The following PRELID2 variants were observed in gnomAD, a reference collection of about 807,000 sequenced individuals.
PRELID2 encodes the protein PRELI domain-containing protein 2.
In PRELID2, 25 loss-of-function variants were observed where a neutral mutation model predicts 28.4. That is an observed-to-expected ratio of 0.88 (90% CI 0.64 to 1.23). The LOEUF (loss-of-function observed/expected upper bound fraction) is 1.23, where lower values mean the gene tolerates loss of function less well. Ranked by LOEUF, PRELID2 falls within the 50% of genes most tolerant of loss-of-function variation. The pLI is 0.00. For synonymous variants in PRELID2, 76 were observed against 71.6 expected, an observed-to-expected ratio of 1.06 and a Z score of -0.31; for missense variants, 201 against 214.4, an observed-to-expected ratio of 0.94 and a Z score of 0.39.
At chr5:145,662,681 G>A (rs1025626563) in intron 1 of PRELID2, among the ~76,000 whole-genome samples, 2 of 152,038 alleles carry the variant, frequency 1.3e-5, no homozygotes, top group Non-Finnish European at 2.9e-5. Context: ...GTGGCTTTAT[G>A]AGAAAAAGAA....
At chr5:145,288,948 A>G in the PRELID2 span, among the ~76,000 whole-genome samples, 1 of 152,078 alleles carries the variant, frequency 6.6e-6, no homozygotes. Flanking sequence ...ATGGGCAACA[A>G]TTTTTTCAAC....
chr5:145,344,855 T>C, the PRELID2 span, among the ~76,000 whole-genome samples: 5 of 152,246 alleles, frequency 3.3e-5, no homozygotes, highest in South Asian at 1.0e-3. Flanking sequence ...TGCCTGTTTG[T>C]CCTTATTTCA....
At chr5:145,589,845 TC>T (rs753596620) in intron 1 of PRELID2, among the ~76,000 whole-genome samples, 1 of 152,198 alleles carries the variant, frequency 6.6e-6, no homozygotes, top group Admixed American at 6.5e-5. Context: ...AGTTTGTAAA[TC>T]CACTTGTAAT....
At chr5:145,390,536 C>A in the PRELID2 span, among the ~76,000 whole-genome samples, 1 of 152,226 alleles carries the variant, frequency 6.6e-6, no homozygotes, top group Admixed American at 6.5e-5. Context: ...CCCCATGATT[C>A]AATTACCTCC....
intron 1 of PRELID2, among the ~76,000 whole-genome samples, chr5:145,482,688 T>C (rs909412425): frequency 2.0e-5 from 3 of 151,976 alleles, no homozygotes; most frequent in African/African-American, 7.3e-5. Flanking sequence ...ATTATTACAC[T>C]GTAAGCTATT....
intron 1 of PRELID2, among the ~76,000 whole-genome samples, chr5:145,567,585 C>T (rs1752978112): frequency 6.6e-6 from 1 of 152,104 alleles, no homozygotes; most frequent in Non-Finnish European, 1.5e-5. Context: ...ACCATTTTGG[C>T]CAGGCTAGTC....
chr5:145,642,417 C>A (rs1478046751), intron 1 of PRELID2, among the ~76,000 whole-genome samples: 1 of 151,962 alleles, frequency 6.6e-6, no homozygotes, highest in Non-Finnish European at 1.5e-5. Context: ...GGATATTAGC[C>A]CTTTGTCAGA....
At chr5:145,716,412 T>C (rs1445714875) in intron 1 of PRELID2, among the ~76,000 whole-genome samples, 1 of 152,156 alleles carries the variant, frequency 6.6e-6, no homozygotes, top group East Asian at 1.9e-4. Context: ...GACACTTCTA[T>C]ATCAGAGCCA....
At chr5:145,736,088 A>G (rs1030276104) in intron 1 of PRELID2, among the ~76,000 whole-genome samples, 2 of 152,236 alleles carry the variant, frequency 1.3e-5, no homozygotes, top group African/African-American at 4.8e-5. Context: ...ATGACAAATT[A>G]AAGTCTGGGC....
chr5:145,567,466 C>A (rs1752976910), intron 1 of PRELID2, among the ~76,000 whole-genome samples: 1 of 152,146 alleles, frequency 6.6e-6, no homozygotes, highest in Non-Finnish European at 1.5e-5. Context: ...CAAGCTCTGC[C>A]TCCTAGGTTC....
chr5:145,570,362 A>T (rs375676388), intron 1 of PRELID2, among the ~76,000 whole-genome samples: 1 of 152,268 alleles, frequency 6.6e-6, no homozygotes, highest in South Asian at 2.1e-4. Flanking sequence ...CTCCTATGGG[A>T]TATTTTCACA....
chr5:145,748,210 G>A (rs1484331046), intron 1 of PRELID2, among the ~76,000 whole-genome samples: 4 of 152,210 alleles, frequency 2.6e-5, no homozygotes, highest in Non-Finnish European at 5.9e-5. Context: ...AAGAGAGGAA[G>A]TCAAATTGTC....
chr5:145,532,130 G>A lies in PRELID2; in HGVS notation n.71-58815C>T, dbSNP rs188925130. On this transcript the variant is annotated intron_variant and non_coding_transcript_variant, in intron 1 of 2. Coordinates refer to the PRELID2 transcript ENST00000510259. Reference sequence around the variant, plus strand: ...ATTTTCCTTCTCTGTCTTGCCTTACGTCTCTAATGCGGTGGTTAAAAGCAT... The same window carrying A: ...ATTTTCCTTCTCTGTCTTGCCTTACATCTCTAATGCGGTGGTTAAAAGCAT... 3.6e-4 allele frequency among the ~76,000 whole-genome samples: 54 copies of A among 152,070 alleles called. No homozygotes were observed. The East Asian group carries it at 9.5e-3, about 27-fold the overall frequency.
chr5:145,753,058 C>T (rs1049105687), downstream of PRELID2, among the ~76,000 whole-genome samples: 2 of 152,192 alleles, frequency 1.3e-5, no homozygotes, highest in Non-Finnish European at 2.9e-5. Flanking sequence ...TGGCCAAGTT[C>T]GCATTTTCTC....
At chr5:145,731,358 G>T (rs76702202) in intron 1 of PRELID2, among the ~76,000 whole-genome samples, 1 of 152,258 alleles carries the variant, frequency 6.6e-6, no homozygotes, top group Non-Finnish European at 1.5e-5. Flanking sequence ...GAGTGACTAA[G>T]ATGCATACTG....
chr5:145,744,739 T>C (rs1756942341), intron 1 of PRELID2, among the ~76,000 whole-genome samples: 1 of 151,472 alleles, frequency 6.6e-6, no homozygotes, highest in Admixed American at 6.6e-5. Context: ...CTAGACAAAC[T>C]CACAGAGATG....
chr5:145,471,389 A>G (rs1372345085), downstream of PRELID2, among the ~76,000 whole-genome samples: 1 of 152,146 alleles, frequency 6.6e-6, no homozygotes, highest in Non-Finnish European at 1.5e-5. Context: ...TATTTCTTAT[A>G]CCAAAAGGGG....
intron 1 of PRELID2, among the ~76,000 whole-genome samples, chr5:145,513,048 C>A (rs182891420): frequency 6.6e-6 from 1 of 151,988 alleles, no homozygotes; most frequent in South Asian, 2.1e-4. Context: ...CTCAGAAAGG[C>A]CAAAAGTTCC....
chr5:145,521,507 T>C (rs1054551125), intron 1 of PRELID2, among the ~76,000 whole-genome samples: 3 of 152,142 alleles, frequency 2.0e-5, no homozygotes, highest in African/African-American at 7.2e-5. Flanking sequence ...ATATTCCCAT[T>C]TTTAAATGAG....
Sources: allele counts gnomAD v4.1 joint callset (sites outside exome capture counted in the v4.1 genomes callset), GRCh38; gene constraint gnomAD v4.1.1; transcripts MANE v1.5; gene names NCBI Gene and HGNC (gene_info 2026-07-23, HGNC 2026-07-21).